DIAPH2: variants seen among roughly 807,000 people sequenced by gnomAD.
The protein encoded by DIAPH2 is diaphanous related formin 2, also known as protein diaphanous homolog 2.
DIAPH2 carries 35 observed loss-of-function variants against 92.7 expected under a neutral mutation model. The ratio of observed to expected loss-of-function variants is 0.38; its 90% CI spans 0.29 to 0.50. The LOEUF (loss-of-function observed/expected upper bound fraction) is 0.50. DIAPH2 is among the 20% of genes least tolerant of loss of function. The pLI, the probability that DIAPH2 is intolerant of heterozygous loss-of-function variation, is 0.94. For synonymous variants in DIAPH2, 301 were observed against 280.4 expected, an observed-to-expected ratio of 1.07 and a Z score of -0.73; for missense variants, 701 against 819.5, an observed-to-expected ratio of 0.86 and a Z score of 1.77.
intron 3 of DIAPH2, among the ~76,000 whole-genome samples, chrX:96,744,207 G>A (rs2064136137): frequency 8.9e-6 from 1 of 111,929 alleles, no homozygotes; most frequent in Non-Finnish European, 1.9e-5. Context: ...AATAACTATA[G>A]TTTTCATCTA....
chrX:97,238,792 A>G (rs1316114735), intron 22 of DIAPH2, among the ~76,000 whole-genome samples: 1 of 111,871 alleles, frequency 8.9e-6, no homozygotes, highest in Admixed American at 9.5e-5. Flanking sequence ...TTGAGAAAGA[A>G]TGCAACAGTG....
intron 26 of DIAPH2, among the ~76,000 whole-genome samples, chrX:97,544,283 A>G (rs1366616104): frequency 8.9e-6 from 1 of 112,476 alleles, no homozygotes; most frequent in East Asian, 2.8e-4. Context: ...CCAAAAAATG[A>G]AAGCTAGTAC....
At chrX:96,943,219 A>G (rs1483274964) in intron 13 of DIAPH2, among the ~76,000 whole-genome samples, 1 of 111,115 alleles carries the variant, frequency 9.0e-6, no homozygotes, top group East Asian at 2.8e-4. Flanking sequence ...ATAATATTCC[A>G]TTTTGTGAAA....
At chrX:97,276,495 C>T (rs1367718580) in intron 23 of DIAPH2, among the ~76,000 whole-genome samples, 2 of 111,131 alleles carry the variant, frequency 1.8e-5, no homozygotes, top group Admixed American at 9.6e-5. Context: ...TCTTGTTTTG[C>T]ACTTCTAAGA....
intron 1 of DIAPH2, among the ~76,000 whole-genome samples, chrX:96,729,861 C>T (rs1422235434): frequency 8.9e-6 from 1 of 111,984 alleles, no homozygotes; most frequent in Non-Finnish European, 1.9e-5. Flanking sequence ...CACAAAAATA[C>T]AAAAGTATTG....
At chrX:97,469,587 A>G (rs2070544656) in intron 26 of DIAPH2, 1 of 688,256 alleles carries the variant, frequency 1.5e-6, no homozygotes. Context: ...AATCAGTATT[A>G]TAAATGAGCT....
intron 17 of DIAPH2, among the ~76,000 whole-genome samples, chrX:97,017,391 T>C (rs1018620592): frequency 8.9e-5 from 10 of 111,840 alleles, no homozygotes; most frequent in African/African-American, 2.3e-4. Flanking sequence ...TCATAAATAC[T>C]GTAAAACTTC....
At chrX:96,859,606 G>T (rs1181647197) in intron 4 of DIAPH2, among the ~76,000 whole-genome samples, 1 of 93,363 alleles carries the variant, frequency 1.1e-5, no homozygotes, top group Non-Finnish European at 2.1e-5. Flanking sequence ...TTCAATAATA[G>T]ATTCTTATTT....
intron 23 of DIAPH2, among the ~76,000 whole-genome samples, chrX:97,294,965 T>C (rs2068631352): frequency 9.0e-6 from 1 of 111,568 alleles, no homozygotes; most frequent in African/African-American, 3.3e-5. Context: ...CGCTTTAACA[T>C]GCAGGACTAT....
intron 26 of DIAPH2, among the ~76,000 whole-genome samples, chrX:97,582,108 T>A (rs1210574209): frequency 3.8e-4 from 1 of 2,661 alleles, no homozygotes; most frequent in Non-Finnish European, 8.1e-4. Context: ...CACTGATGGG[T>A]CTTGACTCTT....
In DIAPH2 at chrX:97,072,966, A is replaced by G. The variant is rs769004201; in HGVS notation, c.2076A>G (p.Glu692=). Residue 692 remains glutamate (E), a synonymous_variant, in exon 18 of 27, where the codon GAA becomes GAG. Transcript: ENST00000324765. ...IKVQKNAEAL[E]EKKTGPTKKK... is the part of the protein sequence containing the mutation. ...TTCAAAAGAACGCAGAAGCATTAGAAGAAAAGAAGACTGGGCCTACAAAGA... is the reference window on the plus strand; with the variant it reads ...TTCAAAAGAACGCAGAAGCATTAGAGGAAAAGAAGACTGGGCCTACAAAGA... 1 of 1,201,368 alleles carries G rather than the reference A, an allele frequency of 8.3e-7. No homozygotes were observed. Among genetic ancestry groups the G allele is most frequent in the East Asian group, 3.0e-5 (1 of 33,731 alleles).
chrX:96,840,835 G>A (rs1602556255), intron 4 of DIAPH2, among the ~76,000 whole-genome samples: 1 of 109,725 alleles, frequency 9.1e-6, no homozygotes, highest in African/African-American at 3.3e-5. Flanking sequence ...GGATGGTCTC[G>A]ATCTCCTGAC....
intron 17 of DIAPH2, among the ~76,000 whole-genome samples, chrX:96,990,710 T>C (rs2066063882): frequency 8.9e-6 from 1 of 111,828 alleles, no homozygotes; most frequent in African/African-American, 3.3e-5. Context: ...CTGAGCCTTT[T>C]CTTTGCTGAG....
intron 5 of DIAPH2, among the ~76,000 whole-genome samples, chrX:96,895,659 A>G (rs1311924316): frequency 8.9e-6 from 1 of 112,057 alleles, no homozygotes; most frequent in Non-Finnish European, 1.9e-5. Flanking sequence ...TGTGATATCT[A>G]AATGGCTTTT....
chrX:97,602,144 T>G lies in DIAPH2; in HGVS notation c.*2827T>G, dbSNP rs1238037214. On this transcript the variant is annotated 3_prime_UTR_variant, in exon 27 of 27. Coordinates refer to ENST00000324765, the MANE Select transcript of DIAPH2 (RefSeq NM_006729.5). ...ATGGTTTTGGGGATTAGGATGTGGCTATGTCTTTTAGGAAGCCACTCTTAG... is the reference window on the plus strand; with the variant it reads ...ATGGTTTTGGGGATTAGGATGTGGCGATGTCTTTTAGGAAGCCACTCTTAG... 2 of 112,404 alleles carry G rather than the reference T, an allele frequency of 1.8e-5. No individual in the cohort carries two copies. The highest frequency in any genetic ancestry group is 6.5e-5 in the African/African-American group (2 of 30,924). The allele number at this position is 112,404 out of a possible 1,213,427, so 9.3% of individuals were successfully genotyped here.
intron 26 of DIAPH2, among the ~76,000 whole-genome samples, chrX:97,590,647 T>C (rs931473079): frequency 2.4e-4 from 27 of 112,127 alleles, no homozygotes; most frequent in African/African-American, 8.4e-4. Flanking sequence ...CCATGCCGTT[T>C]AACAGCTAGT....
intron 26 of DIAPH2, among the ~76,000 whole-genome samples, chrX:97,455,998 T>G (rs2147797401): frequency 8.9e-6 from 1 of 112,275 alleles, no homozygotes; most frequent in East Asian, 2.8e-4. Context: ...ATCTCATTCC[T>G]CTTACCTCCT....
At chrX:97,501,504 G>A (rs1175719688) in intron 26 of DIAPH2, among the ~76,000 whole-genome samples, 1 of 111,822 alleles carries the variant, frequency 8.9e-6, no homozygotes, top group East Asian at 2.8e-4. Flanking sequence ...GTATGTTAAG[G>A]AATTTGTCTT....
At chrX:97,574,207 A>G (rs374319664) in intron 26 of DIAPH2, among the ~76,000 whole-genome samples, 16 of 111,944 alleles carry the variant, frequency 1.4e-4, no homozygotes, top group African/African-American at 5.2e-4. Context: ...GAACTCCCTC[A>G]TTGGAGGATT....
Sources: allele counts gnomAD v4.1 joint callset (sites outside exome capture counted in the v4.1 genomes callset), GRCh38; gene constraint gnomAD v4.1.1; transcripts MANE v1.5; gene names NCBI Gene and HGNC (gene_info 2026-07-23, HGNC 2026-07-21).